Variants in TNRC18 observed in about 807,000 individuals in gnomAD.
TNRC18 encodes the protein trinucleotide repeat containing 18.
Under a neutral mutation model 226.7 loss-of-function variants are expected in TNRC18, and 69 were observed. The ratio of observed to expected loss-of-function variants is 0.30; its 90% CI spans 0.25 to 0.37. TNRC18 has a LOEUF of 0.37. TNRC18 is among the 10% of genes least tolerant of loss of function. TNRC18 has a pLI of 1.00. For missense variants in TNRC18, 4,754 were observed against 4,256.6 expected, an observed-to-expected ratio of 1.12 and a Z score of -3.25; for synonymous variants, 2,449 against 1,927.6, an observed-to-expected ratio of 1.27 and a Z score of -7.09.
At position 5,359,577 on chromosome 7, in the gene TNRC18, G is replaced by A. The variant is rs763195863; in HGVS notation, c.4662-8C>T. 5.6e-6 allele frequency: 9 copies of A among 1,613,258 alleles called. No individual in the cohort carries two copies. The highest frequency in any genetic ancestry group is 4.4e-5 in the South Asian group (4 of 91,088). ...AGAGACTTGCTGCTCAGCCTGAAAC[G>A]CAGACACACTGCCGGTCAGCACCCT... On this transcript the variant is annotated splice_region_variant and splice_polypyrimidine_tract_variant and intron_variant, in intron 14 of 29. Transcript: ENST00000430969.
chr7:5,407,783 G>A (rs958356628), intron 2 of TNRC18, among the ~76,000 whole-genome samples: 1 of 152,182 alleles, frequency 6.6e-6, no homozygotes, highest in African/African-American at 2.4e-5. Context: ...AATCACAAAG[G>A]ATTTCCCCAG....
At chr7:5,397,715 C>T (rs958680842) in intron 2 of TNRC18, among the ~76,000 whole-genome samples, 3 of 152,128 alleles carry the variant, frequency 2.0e-5, no homozygotes, top group African/African-American at 7.2e-5. Flanking sequence ...AATGCTCCTC[C>T]TTCACTCCCA....
chr7:5,403,283 C>G (rs1011784913), intron 2 of TNRC18, among the ~76,000 whole-genome samples: 4 of 152,098 alleles, frequency 2.6e-5, no homozygotes, highest in African/African-American at 9.6e-5. Context: ...GCCTCAGCCT[C>G]CCGAGTAGCT....
At chr7:5,383,523 G>A (rs758995633) in intron 5 of TNRC18, among the ~76,000 whole-genome samples, 19 of 152,208 alleles carry the variant, frequency 1.2e-4, no homozygotes, top group Non-Finnish European at 2.5e-4. Context: ...TCAAGGTTAC[G>A]TAGCTACAAA....
Position 5,374,149 on chromosome 7 carries a change from G to A in TNRC18, c.3135C>T (p.Ile1045=), listed in dbSNP as rs1205923168. ...TCTCGGGAGCCTCCTCCTTGCGGGTGATACCCGGGGTGGGCGGTGGGGAGG... is the reference window on the plus strand; with the variant it reads ...TCTCGGGAGCCTCCTCCTTGCGGGTAATACCCGGGGTGGGCGGTGGGGAGG... The part of the protein sequence containing the change: ...PPASPPPTPG[I]TRKEEAPENV... The change falls in exon 10 of 30, where the codon ATC becomes ATT. Residue 1045 remains isoleucine, a synonymous_variant. Transcript: ENST00000430969. 1 of 1,373,544 alleles carries A rather than the reference G, an allele frequency of 7.3e-7. No individual in the cohort carries two copies. Among genetic ancestry groups the A allele is most frequent in the Admixed American group, 2.8e-5 (1 of 35,858 alleles). The allele number at this position is 1,373,544 out of a possible 1,614,324, so 85.1% of individuals were successfully genotyped here.
In TNRC18 at chr7:5,361,903, T is replaced by G. The variant is rs1280220644; in HGVS notation, c.4526A>C (p.Asp1509Ala). 3.8e-6 allele frequency: 6 copies of G among 1,564,694 alleles called. No homozygotes were observed. Among genetic ancestry groups the G allele is most frequent in the Non-Finnish European group, 4.3e-6 (5 of 1,157,034 alleles). Reference protein sequence around the residue: ...RELVKLQRRRDSEDRREEPHR... With the variant: ...RELVKLQRRRASEDRREEPHR... ...GGGCGGGGGACACACTCACTCGGAGTCCCGGCGGCGCTGCAGCTTCACCAG... is the reference window on the plus strand; with the variant it reads ...GGGCGGGGGACACACTCACTCGGAGGCCCGGCGGCGCTGCAGCTTCACCAG... Residue 1509 changes from aspartate (D) to alanine (A), a missense_variant, in exon 13 of 30, where the codon GAC becomes GCC. Coordinates refer to ENST00000430969, the MANE Select transcript of TNRC18 (RefSeq NM_001080495.3).
intron 2 of TNRC18, among the ~76,000 whole-genome samples, chr7:5,411,972 C>T (rs1781871171): frequency 6.6e-6 from 1 of 151,874 alleles, no homozygotes; most frequent in African/African-American, 2.4e-5. Flanking sequence ...ATTATTTGAG[C>T]TCAGGAGTTC....
At chr7:5,363,288 G>C (rs942253394) in intron 11 of TNRC18, among the ~76,000 whole-genome samples, 2 of 151,024 alleles carry the variant, frequency 1.3e-5, no homozygotes, top group African/African-American at 2.4e-5. Context: ...GAGCAACAGA[G>C]CAAGACTCCA....
At chr7:5,385,489 C>T (rs993027648) in intron 5 of TNRC18, among the ~76,000 whole-genome samples, 4 of 97,292 alleles carry the variant, frequency 4.1e-5, no homozygotes, top group Admixed American at 1.4e-4. Context: ...AGCGAGACTC[C>T]GTCTCAAAAA....
rs1247985322 is a variant in TNRC18 at position 5,376,147 on chromosome 7, C to A, written c.2686G>T (p.Ala896Ser). ...YPPGRSPLHH[A>S]QQLQLFSQQH... Reference sequence around the variant, plus strand: ...TGTGAGAAGAGCTGCAGCTGCTGGGCGTGGTGCAGGGGGCTGCGGCCCGGC... The same window carrying A: ...TGTGAGAAGAGCTGCAGCTGCTGGGAGTGGTGCAGGGGGCTGCGGCCCGGC... Residue 896 changes from alanine to serine, a missense_variant, in exon 9 of 30, where the codon GCC becomes TCC. Physicochemically the swap from Ala to Ser is moderately conservative, Grantham distance 99. Transcript: ENST00000430969. 4.4e-6 allele frequency: 7 copies of A among 1,586,314 alleles called. No individual in the cohort carries two copies. In the African/African-American group the frequency reaches 8.1e-5, roughly 18 times the overall value.
chr7:5,371,959 G>A (rs561794069), intron 10 of TNRC18, among the ~76,000 whole-genome samples: 1 of 152,228 alleles, frequency 6.6e-6, no homozygotes, highest in South Asian at 2.1e-4. Context: ...ACGCAACGGC[G>A]CCATCTCAGC....
Position 5,332,944 on chromosome 7 carries a change from G to A in TNRC18, c.5825C>T (p.Ser1942Phe), listed in dbSNP as rs777280988. The A allele has an allele frequency of 1.9e-6, 3 of 1,551,394 alleles. No individual in the cohort carries two copies. The South Asian group carries it at 3.5e-5, about 18-fold the overall frequency. Residue 1942 changes from serine (S) to phenylalanine (F), a missense_variant, in exon 19 of 30, where the codon TCC (serine) becomes TTC (phenylalanine). By Grantham distance (155) the Ser-to-Phe change is radical. Transcript: ENST00000430969. The stretch of plus-strand genomic sequence containing the variant: ...GGCGCCAGGCGTGGGTGCGGCCAGG[G>A]AGGGTCCCGGCTCCCCCAGCCCCTT... The part of the protein sequence containing the change: ...PKKGLGEPGP[S>F]LAAPTPGARG...
intron 2 of TNRC18, among the ~76,000 whole-genome samples, chr7:5,404,762 C>CTGTGTGTGTGTGTGTG (rs1562627364): frequency 1.4e-4 from 15 of 108,918 alleles, no homozygotes; most frequent in African/African-American, 7.1e-4. Flanking sequence ...TGCACACTTT[C>CTGTGTGTGTGTGTGTG]AGTGTGTGTG....
intron 16 of TNRC18, among the ~76,000 whole-genome samples, chr7:5,356,690 G>C (rs1054713095): frequency 2.0e-5 from 3 of 152,122 alleles, no homozygotes; most frequent in South Asian, 4.1e-4. Flanking sequence ...ACAAGCACCT[G>C]CCTGGCATCA....
chr7:5,389,065 C>A lies in TNRC18; in HGVS notation c.759G>T (p.Arg253=), dbSNP rs975739425. 1 of 1,282,884 alleles carries A rather than the reference C, an allele frequency of 7.8e-7. No homozygotes were observed. Among genetic ancestry groups the A allele is most frequent in the African/African-American group, 1.6e-5 (1 of 62,368 alleles). 79.5% of individuals were successfully genotyped at this position (1,282,884 alleles called of 1,614,324 possible). The change falls in exon 5 of 30, where the codon CGG becomes CGT. Residue 253 remains arginine (R), a synonymous_variant. Coordinates refer to ENST00000430969, the MANE Select transcript of TNRC18 (RefSeq NM_001080495.3). Reference sequence around the variant, plus strand: ...GGCGCTCAGCCAGGCGCGGGGGCCCCCGGTCCTGGCGGCCCTCGGCGCGCG... The same window carrying A: ...GGCGCTCAGCCAGGCGCGGGGGCCCACGGTCCTGGCGGCCCTCGGCGCGCG... The part of the protein sequence containing the change: ...QEARAEGRQD[R]GPPRLAERLS...
Position 5,320,480 on chromosome 7 carries a change from T to C in TNRC18, c.6636+52A>G, listed in dbSNP as rs1359086387. 7.0e-6 allele frequency: 11 copies of C among 1,568,992 alleles called. No individual in the cohort carries two copies. In the East Asian group the frequency reaches 1.4e-4, roughly 20 times the overall value. On this transcript the variant is annotated intron_variant, in intron 23 of 29. Coordinates refer to ENST00000430969, the MANE Select transcript of TNRC18 (RefSeq NM_001080495.3). ...GTGGACACAGTTATGGCCATGGCCTTGGACACCCAGCCCACCCCGAGCCTC... is the reference window on the plus strand; with the variant it reads ...GTGGACACAGTTATGGCCATGGCCTCGGACACCCAGCCCACCCCGAGCCTC...
chr7:5,416,746 A>T (rs1782214415), intron 2 of TNRC18, among the ~76,000 whole-genome samples: 1 of 151,282 alleles, frequency 6.6e-6, no homozygotes, highest in African/African-American at 2.4e-5. Context: ...AATCCCAGCT[A>T]CTCAGGAGGC....
intron 26 of TNRC18, 146 bp downstream of exon 26, chr7:5,314,838 G>C (rs573878775): frequency 5.7e-6 from 5 of 877,610 alleles, no homozygotes; most frequent in South Asian, 1.9e-5. Flanking sequence ...CTCCCAAAGC[G>C]CTGGGATTAC....
chr7:5,345,804 C>A lies in TNRC18; in HGVS notation c.5477G>T (p.Ser1826Ile). The A allele has an allele frequency of 6.5e-7, 1 of 1,542,876 alleles. No individual in the cohort carries two copies. Residue 1826 changes from serine to isoleucine, a missense_variant, in exon 18 of 30, where the codon AGC (serine) becomes ATC (isoleucine). Physicochemically the swap from Ser to Ile is moderately radical, Grantham distance 142. Coordinates refer to ENST00000430969, the MANE Select transcript of TNRC18 (RefSeq NM_001080495.3). ...SSEESFDQDE[S>I]SEEEDEEEEL... ...CTCCTCCTCGTCCTCCTCCTCCGAG[C>A]TCTCATCTGGCGTGCAGAAAACAGG...
Sources: allele counts gnomAD v4.1 joint callset (sites outside exome capture counted in the v4.1 genomes callset), GRCh38; gene constraint gnomAD v4.1.1; transcripts MANE v1.5; gene names NCBI Gene and HGNC (gene_info 2026-07-23, HGNC 2026-07-21).